PAK5: variants seen among roughly 807,000 people sequenced by gnomAD.
PAK5 encodes the protein serine/threonine-protein kinase PAK 5.
In PAK5, 16 loss-of-function variants were observed where a neutral mutation model predicts 65.9. The ratio of observed to expected loss-of-function variants is 0.24; its 90% confidence interval spans 0.16 to 0.37. The LOEUF (loss-of-function observed/expected upper bound fraction) is 0.37. Among genes scored for constraint, PAK5 ranks in the 10% least tolerant of loss-of-function variants. The probability of loss-of-function intolerance (pLI) is 1.00; values close to 1 mark genes in which losing one functional copy is unlikely to be tolerated. For missense variants in PAK5, 785 were observed against 903.9 expected (o/e 0.87, Z 1.69); for synonymous variants, 371 against 354.9 (o/e 1.05, Z -0.51).
At chr20:9,816,566 C>T (rs1033301832) in intron 1 of PAK5, among the ~76,000 whole-genome samples, 1 of 152,168 alleles carries the variant, frequency 6.6e-6, no homozygotes, top group Admixed American at 6.6e-5. Context: ...CTGCTCTCTG[C>T]TTAACTGCTT....
rs113012559 is a variant in PAK5, at chr20:9,544,347, C to A, written c.1869+22G>T. ...TGAGCCTGTCCCCAGTCCTGCCACG[C>A]CTATGACTGTGACCCCCTTACCTCT... On this transcript the variant is annotated intron_variant, in intron 8 of 9. Coordinates refer to ENST00000353224, the MANE Select transcript of PAK5 (RefSeq NM_177990.4). 35 of 1,612,310 alleles carry A rather than the reference C, an allele frequency of 2.2e-5. No homozygotes were observed. The African/African-American group carries it at 2.7e-4, about 12-fold the overall frequency.
chr20:9,784,717 G>T (rs1442998457), intron 1 of PAK5, among the ~76,000 whole-genome samples: 1 of 151,848 alleles, frequency 6.6e-6, no homozygotes, highest in Non-Finnish European at 1.5e-5. Context: ...CATTGCAGGA[G>T]GAAGGGAAGA....
intron 2 of PAK5, among the ~76,000 whole-genome samples, chr20:9,693,786 T>G (rs1366110753): frequency 6.6e-6 from 1 of 152,152 alleles, no homozygotes; most frequent in Non-Finnish European, 1.5e-5. Flanking sequence ...AATATAACCA[T>G]GCACTCATAA....
At chr20:9,546,892 C>T (rs1032180343) in intron 7 of PAK5, among the ~76,000 whole-genome samples, 7 of 152,124 alleles carry the variant, frequency 4.6e-5, no homozygotes, top group East Asian at 1.9e-4. Context: ...CATTTACAAA[C>T]GTGGTGAATA....
intron 7 of PAK5, among the ~76,000 whole-genome samples, chr20:9,548,141 C>T (rs1466164106): frequency 6.6e-6 from 1 of 152,144 alleles, no homozygotes. Flanking sequence ...TCTGCACACA[C>T]TAAAACCATT....
At chr20:9,658,155 T>C (rs1569024450) in intron 2 of PAK5, among the ~76,000 whole-genome samples, 1 of 152,352 alleles carries the variant, frequency 6.6e-6, no homozygotes, top group Non-Finnish European at 1.5e-5. Context: ...ATGAGTAGAT[T>C]AGTTGATCAG....
intron 1 of PAK5, among the ~76,000 whole-genome samples, chr20:9,827,509 G>A (rs762072731): frequency 1.2e-4 from 18 of 151,950 alleles, no homozygotes; most frequent in African/African-American, 2.7e-4. Context: ...CAAGATGCCT[G>A]CTTTCGAAGA....
intron 1 of PAK5, among the ~76,000 whole-genome samples, chr20:9,803,858 T>A (rs1486530876): frequency 2.0e-5 from 3 of 151,916 alleles, no homozygotes; most frequent in Non-Finnish European, 4.4e-5. Flanking sequence ...CAAAAACCCA[T>A]CCCCTCAAAT....
intron 4 of PAK5, among the ~76,000 whole-genome samples, chr20:9,572,886 T>A (rs1401878408): frequency 6.6e-6 from 1 of 152,192 alleles, no homozygotes; most frequent in East Asian, 1.9e-4. Context: ...TGCAAAGTTT[T>A]CAGGGGGATT....
intron 3 of PAK5, among the ~76,000 whole-genome samples, chr20:9,638,720 C>T (rs920317668): frequency 6.6e-6 from 1 of 152,180 alleles, no homozygotes; most frequent in Non-Finnish European, 1.5e-5. Context: ...TAAGTCTACA[C>T]AGAGGAGAGG....
rs1417811772 is a variant in PAK5 at position 9,711,412 on chromosome 20, G to A, written c.-138C>T. ...TCAGTGTTCATTTTAGCAAGAGGTG[G>A]AAGCATTTCACCACAGTGTATTTCT... On this transcript the variant is annotated 5_prime_UTR_variant, in exon 2 of 10. Coordinates refer to ENST00000353224, the MANE Select transcript of PAK5 (RefSeq NM_177990.4). The A allele has an allele frequency of 6.6e-6, 1 of 152,070 alleles. No individual in the cohort carries two copies. The highest frequency in any genetic ancestry group is 1.5e-5 in the Non-Finnish European group (1 of 68,010). 9.4% of individuals were successfully genotyped at this position (152,070 alleles called of 1,614,324 possible).
intron 3 of PAK5, among the ~76,000 whole-genome samples, chr20:9,616,257 C>A (rs2046653539): frequency 6.6e-6 from 1 of 152,212 alleles, no homozygotes; most frequent in Non-Finnish European, 1.5e-5. Flanking sequence ...TAGCCCACAA[C>A]AACTTCCTGA....
At chr20:9,827,819 G>C (rs985937954) in intron 1 of PAK5, among the ~76,000 whole-genome samples, 3 of 151,964 alleles carry the variant, frequency 2.0e-5, no homozygotes, top group African/African-American at 7.2e-5. Context: ...TGTTTTTTAG[G>C]TTGCAATTTA....
At chr20:9,656,159 T>C (rs957235180) in intron 2 of PAK5, among the ~76,000 whole-genome samples, 1 of 152,174 alleles carries the variant, frequency 6.6e-6, no homozygotes, top group Admixed American at 6.5e-5. Context: ...CCTATCAACA[T>C]TGTTGGAAAT....
At chr20:9,564,009 A>G (rs766338295) in intron 5 of PAK5, among the ~76,000 whole-genome samples, 2 of 152,196 alleles carry the variant, frequency 1.3e-5, no homozygotes, top group Non-Finnish European at 2.9e-5. Context: ...GAGTCCTTAC[A>G]ATAGAAAGAC....
At chr20:9,626,552 T>C (rs1440865035) in intron 3 of PAK5, among the ~76,000 whole-genome samples, 1 of 152,108 alleles carries the variant, frequency 6.6e-6, no homozygotes, top group Non-Finnish European at 1.5e-5. Flanking sequence ...AAACAAAAAG[T>C]CCTGTGTGAA....
chr20:9,696,278 G>T (rs916102725), intron 2 of PAK5, among the ~76,000 whole-genome samples: 1 of 152,088 alleles, frequency 6.6e-6, no homozygotes. Flanking sequence ...GGTATCACTG[G>T]GGATTGGGAG....
At chr20:9,768,817 G>GAA (rs1354047775) in intron 1 of PAK5, among the ~76,000 whole-genome samples, 1 of 86,354 alleles carries the variant, frequency 1.2e-5, no homozygotes, top group Non-Finnish European at 2.3e-5. Context: ...AAAAGGGAAA[G>GAA]AAAGAAAAAA....
rs889068061 is a variant in PAK5, at chr20:9,790,405, T to C, written c.-162+48357A>G. Among the ~76,000 whole-genome samples, 4 of 151,896 alleles carry C rather than the reference T, an allele frequency of 2.6e-5. No individual in the cohort carries two copies. In the East Asian group the frequency reaches 7.7e-4, roughly 29 times the overall value. ...GAAAAGAGGGGAGAGGGAAAACCAT[T>C]CCAAGGCCCAGGGGAATGCGAGGAT... On this transcript the variant is annotated intron_variant, in intron 1 of 9. Coordinates refer to ENST00000353224, the MANE Select transcript of PAK5 (RefSeq NM_177990.4).
Sources: gnomAD v4.1 joint callset for allele counts (sites outside exome capture counted in the v4.1 genomes callset) on GRCh38, gnomAD v4.1.1 for gene constraint, MANE v1.5 for transcripts, NCBI Gene and HGNC (gene_info 2026-07-23, HGNC 2026-07-21) for gene names.